Variants in GPR35 observed in about 807,000 individuals in gnomAD.
GPR35 encodes G protein-coupled receptor 35.
For missense variants in GPR35, 372 were observed against 422.5 expected (o/e 0.88, Z 1.05); for synonymous variants, 207 against 198.4 (o/e 1.04, Z -0.36).
intron 1 of GPR35, chr2:240,627,530 G>A (rs1474798499): frequency 6.6e-6 from 1 of 151,536 alleles, no homozygotes; most frequent in Non-Finnish European, 1.5e-5. Context: ...GCAGTGGTGG[G>A]ATCATAGCTC....
chr2:240,615,947 G>T (rs1362713540), intron 2 of GPR35, among the ~76,000 whole-genome samples: 5 of 152,212 alleles, frequency 3.3e-5, no homozygotes, highest in Non-Finnish European at 5.9e-5. Flanking sequence ...GAGTCTGGCT[G>T]CAGGCCAAAA....
At chr2:240,620,450 C>G (rs554148988) in intron 5 of GPR35, among the ~76,000 whole-genome samples, 9 of 152,220 alleles carry the variant, frequency 5.9e-5, no homozygotes, top group African/African-American at 2.2e-4. Context: ...TGTGAGGGTG[C>G]CTGGTGAAGG....
chr2:240,630,023 A>T lies in GPR35; in HGVS notation c.71A>T (p.Tyr24Phe), dbSNP rs144307503. The T allele has an allele frequency of 3.1e-4, 492 of 1,612,686 alleles. No homozygotes were observed. Among genetic ancestry groups the T allele is most frequent in the Admixed American group, 7.8e-4 (47 of 59,996 alleles). Reference protein sequence around the residue: ...TWPPAIKLGFYAYLGVLLVLG... With the variant: ...TWPPAIKLGFFAYLGVLLVLG... ...CCCCCAGCGATCAAGCTGGGCTTCT[A>T]CGCCTACTTGGGCGTCCTGCTGGTG... Residue 24 changes from tyrosine (Y) to phenylalanine (F), a missense_variant, in exon 2 of 2, where the codon TAC becomes TTC. Tyr to Phe is a conservative substitution (Grantham distance 22). Coordinates refer to ENST00000407714, the MANE Select transcript of GPR35 (RefSeq NM_005301.5).
chr2:240,628,447 C>G (rs1255267985), intron 1 of GPR35: 2 of 152,246 alleles, frequency 1.3e-5, no homozygotes, highest in Non-Finnish European at 2.9e-5. Flanking sequence ...ACTTGGAAGT[C>G]AGCAAATATC....
intron 1 of GPR35, chr2:240,627,404 T>C (rs2043390661): frequency 6.6e-6 from 1 of 152,232 alleles, no homozygotes; most frequent in Admixed American, 6.5e-5. Flanking sequence ...TTTGCATTTT[T>C]CTCCCTAATA....
chr2:240,614,978 A>C (rs1467783758), intron 2 of GPR35, among the ~76,000 whole-genome samples: 2 of 151,678 alleles, frequency 1.3e-5, no homozygotes, highest in Non-Finnish European at 2.9e-5. Context: ...ATATGTATCT[A>C]TGTGTGTTTA....
chr2:240,624,640 G>A (rs759485725), upstream of GPR35, among the ~76,000 whole-genome samples: 14 of 152,188 alleles, frequency 9.2e-5, no homozygotes, highest in East Asian at 1.9e-4. Context: ...TATCCCAGCC[G>A]TTGAGGAGGG....
At chr2:240,620,132 G>A (rs1343427324) in intron 5 of GPR35, among the ~76,000 whole-genome samples, 2 of 152,164 alleles carry the variant, frequency 1.3e-5, no homozygotes, top group African/African-American at 4.8e-5. Context: ...AGCACCCAAG[G>A]CCCACCCCGA....
chr2:240,630,327 C>CA lies in GPR35; in HGVS notation c.375_376insA (p.Gly126ArgfsTer171). The CA allele has an allele frequency of 1.3e-6, 2 of 1,593,780 alleles. No individual in the cohort carries two copies. Among genetic ancestry groups the CA allele is most frequent in the Non-Finnish European group, 1.7e-6 (2 of 1,173,848 alleles). On this transcript the variant is annotated frameshift_variant, in exon 2 of 2. Coordinates refer to ENST00000407714, the MANE Select transcript of GPR35 (RefSeq NM_005301.5). LOFTEE classifies it low-confidence loss of function (END_TRUNC). The stretch of plus-strand genomic sequence containing the variant: ...CCGTGCGGCACCCGCTGCGTGCCCG[C>CA]GGGCTGCGGTCCCCCAGGCAGGCTG...
intron 1 of GPR35, among the ~76,000 whole-genome samples, chr2:240,626,839 C>CT (rs1283302506): frequency 2.0e-5 from 3 of 152,180 alleles, no homozygotes; most frequent in African/African-American, 7.2e-5. Flanking sequence ...ACTCTGGGGT[C>CT]TGGGCGGGTC....
Position 240,631,901 on chromosome 2 carries a change from G to A in GPR35, c.*1019G>A, listed in dbSNP as rs2043452937. Among the ~76,000 whole-genome samples the A allele has an allele frequency of 6.6e-6, 1 of 152,250 alleles. No individual in the cohort carries two copies. The highest frequency in any genetic ancestry group is 1.5e-5 in the Non-Finnish European group (1 of 68,046). ...ACCCTGTTCCATGTTCCACAGGACT[G>A]GAGAGAGATGGCAGTCATGTTCTGG... On this transcript the variant is annotated 3_prime_UTR_variant, in exon 2 of 2. Transcript: ENST00000407714.
chr2:240,623,513 T>C (rs1483741917), upstream of GPR35, among the ~76,000 whole-genome samples: 1 of 148,696 alleles, frequency 6.7e-6, no homozygotes, highest in Non-Finnish European at 1.5e-5. Flanking sequence ...AAACAGGTCG[T>C]GAGGGTGCAG....
At chr2:240,607,042 T>A (rs1171404989) in intron 2 of GPR35, among the ~76,000 whole-genome samples, 1 of 152,154 alleles carries the variant, frequency 6.6e-6, no homozygotes, top group Non-Finnish European at 1.5e-5. Flanking sequence ...AGTGTTGACA[T>A]ATACCCAGGA....
chr2:240,624,177 G>A (rs921942448), upstream of GPR35, among the ~76,000 whole-genome samples: 15 of 152,248 alleles, frequency 9.9e-5, no homozygotes, highest in South Asian at 1.7e-3. Context: ...ATCAGGTGCC[G>A]TGCCTTCTGC....
chr2:240,617,036 C>G (rs763603700), intron 3 of GPR35: 1 of 740,646 alleles, frequency 1.4e-6, no homozygotes, highest in African/African-American at 1.7e-5. Context: ...AGACTGCAGC[C>G]CCAGCTGACA....
intron 1 of GPR35, among the ~76,000 whole-genome samples, chr2:240,626,418 G>GTCTCAGAGTGGGGTGAGGCTGTGATGGGT: frequency 6.9e-6 from 1 of 145,068 alleles, no homozygotes; most frequent in Non-Finnish European, 1.5e-5. Context: ...CTGTGATGGG[G>GTCTCAGAGTGGGGTGAGGCTGTGATGGGT]TCTCAGAGTG....
At chr2:240,629,612 C>T (rs2043416536) in intron 1 of GPR35, 1 of 241,450 alleles carries the variant, frequency 4.1e-6, no homozygotes, top group Non-Finnish European at 8.0e-6. Flanking sequence ...GGCTCCCTGT[C>T]CAGGATTTGC....
rs764395578 is a variant in GPR35, at chr2:240,630,553, A to G, written c.601A>G (p.Arg201Gly). ...GAAGGTGGTGACTGCCCTGGCCCAG[A>G]GGCCACCCACCGACGTGGGGCAGGC... ...SLKVVTALAQ[R>G]PPTDVGQAEA... Residue 201 changes from arginine to glycine, a missense_variant, in exon 2 of 2, where the codon AGG becomes GGG. Arg to Gly is a moderately radical substitution (Grantham distance 125, BLOSUM62 -2). Transcript: ENST00000407714. 19 of 1,612,784 alleles carry G rather than the reference A, an allele frequency of 1.2e-5. No homozygotes were observed. The highest frequency in any genetic ancestry group is 3.3e-4 in the Middle Eastern group (2 of 6,062).
chr2:240,631,673 G>A lies in GPR35; in HGVS notation c.*791G>A, dbSNP rs113751065. ...AAAGGCTGGAAACCATGTCTGGCAG[G>A]GGCAGGGGTTGGGTGCCCACTCAGG... On this transcript the variant is annotated 3_prime_UTR_variant, in exon 2 of 2. Coordinates refer to ENST00000407714, the MANE Select transcript of GPR35 (RefSeq NM_005301.5). Among the ~76,000 whole-genome samples, 109 of 152,280 alleles carry A rather than the reference G, an allele frequency of 7.2e-4. No individual in the cohort carries two copies. The highest frequency in any genetic ancestry group is 2.5e-3 in the African/African-American group (102 of 41,564).
Sources: allele counts gnomAD v4.1 joint callset (sites outside exome capture counted in the v4.1 genomes callset), GRCh38; gene constraint gnomAD v4.1.1; transcripts MANE v1.5; gene names NCBI Gene and HGNC (gene_info 2026-07-23, HGNC 2026-07-21).